TDRP: variants seen among roughly 807,000 people sequenced by gnomAD.
The protein encoded by TDRP is testis development related protein.
A neutral mutation model predicts 10.5 loss-of-function variants in TDRP; 12 were observed. That is an observed-to-expected ratio of 1.15 (90% CI 0.73 to 1.86). TDRP has a LOEUF of 1.86. Ranked by LOEUF, TDRP falls within the 40% of genes most tolerant of loss-of-function variation. TDRP has a pLI of 0.00. For synonymous variants in TDRP, 139 were observed against 95.4 expected (o/e 1.46, Z -2.67); for missense variants, 353 against 229.2 (o/e 1.54, Z -3.49).
chr8:515,755 G>T (rs1308518597), intron 1 of TDRP, among the ~76,000 whole-genome samples: 1 of 152,012 alleles, frequency 6.6e-6, no homozygotes, highest in Non-Finnish European at 1.5e-5. Flanking sequence ...TACTGGAAAG[G>T]AAAATATAAT....
At chr8:519,291 C>T (rs1801835479) in intron 1 of TDRP, among the ~76,000 whole-genome samples, 1 of 152,102 alleles carries the variant, frequency 6.6e-6, no homozygotes, top group South Asian at 2.1e-4. Flanking sequence ...TTCTGTTGAG[C>T]TGTTCCTCCG....
Position 543,238 on chromosome 8 carries a change from G to A in TDRP, c.108+1412C>T, listed in dbSNP as rs564810568. On this transcript the variant is annotated intron_variant, in intron 1 of 2. Transcript: ENST00000324079. ...GAGAGAGGAGAATAGCTTGAGCCCA[G>A]GCAGGTTGAGGCCGTAGTGAGCCGA... is the stretch of plus-strand genomic sequence containing the variant. 9.2e-5 allele frequency among the ~76,000 whole-genome samples: 14 copies of A among 152,256 alleles called. No individual in the cohort carries two copies. In the South Asian group the frequency reaches 2.7e-3, roughly 29 times the overall value.
At chr8:501,391 G>A (rs1362505934) in intron 1 of TDRP, among the ~76,000 whole-genome samples, 5 of 151,800 alleles carry the variant, frequency 3.3e-5, no homozygotes, top group Non-Finnish European at 7.4e-5. Context: ...CTGTTGCCCA[G>A]GCTGGAGTGC....
At chr8:505,077 A>T (rs1801419194) in intron 1 of TDRP, among the ~76,000 whole-genome samples, 2 of 152,226 alleles carry the variant, frequency 1.3e-5, no homozygotes, top group Non-Finnish European at 2.9e-5. Flanking sequence ...CCTTCAGATA[A>T]TTTTGTATGC....
At chr8:535,798 G>A (rs1216077850) in intron 1 of TDRP, among the ~76,000 whole-genome samples, 1 of 139,914 alleles carries the variant, frequency 7.1e-6, no homozygotes, top group African/African-American at 2.9e-5. Flanking sequence ...GCAGGTCTCA[G>A]TGTAGGGGTG....
At chr8:531,559 C>T (rs554828307) in intron 1 of TDRP, among the ~76,000 whole-genome samples, 5 of 152,166 alleles carry the variant, frequency 3.3e-5, no homozygotes, top group South Asian at 2.1e-4. Context: ...AGAAACCACA[C>T]ATACGGACAC....
intron 1 of TDRP, among the ~76,000 whole-genome samples, chr8:539,009 A>G (rs1584885712): frequency 6.6e-6 from 1 of 152,306 alleles, no homozygotes; most frequent in Admixed American, 6.5e-5. Context: ...TGAAATAACT[A>G]TCCTGCAGGC....
rs1443578715 is a variant in TDRP, at chr8:490,720, G to C, written c.*1679C>G. 1 of 152,208 alleles carries C rather than the reference G, an allele frequency of 6.6e-6. No individual in the cohort carries two copies. Among genetic ancestry groups the C allele is most frequent in the Non-Finnish European group, 1.5e-5 (1 of 68,038 alleles). The allele number at this position is 152,208 out of a possible 1,614,324, so 9.4% of individuals were successfully genotyped here. ...AAACTTAGAATTTGTCAACTTAGCTGTTATACTAAAAATTATGAACTTGTC... is the reference window on the plus strand; with the variant it reads ...AAACTTAGAATTTGTCAACTTAGCTCTTATACTAAAAATTATGAACTTGTC... On this transcript the variant is annotated 3_prime_UTR_variant, in exon 3 of 3. Coordinates refer to ENST00000324079, the MANE Select transcript of TDRP (RefSeq NM_001384899.1).
chr8:504,490 G>A (rs936134687), intron 1 of TDRP, among the ~76,000 whole-genome samples: 4 of 152,112 alleles, frequency 2.6e-5, no homozygotes, highest in African/African-American at 4.8e-5. Context: ...AAACGAGAAC[G>A]GAGCCCCCTA....
chr8:522,549 T>C (rs1275230327), intron 1 of TDRP, among the ~76,000 whole-genome samples: 1 of 152,214 alleles, frequency 6.6e-6, no homozygotes, highest in East Asian at 1.9e-4. Context: ...AGAAATAATG[T>C]AATGCATGTC....
At chr8:525,103 G>C (rs1051137297) in intron 1 of TDRP, among the ~76,000 whole-genome samples, 2 of 152,294 alleles carry the variant, frequency 1.3e-5, no homozygotes, top group East Asian at 3.9e-4. Context: ...ATGGAGCTCC[G>C]ATAGGTCTGG....
chr8:543,162 A>C (rs1446456916), intron 1 of TDRP, among the ~76,000 whole-genome samples: 1 of 152,090 alleles, frequency 6.6e-6, no homozygotes, highest in Non-Finnish European at 1.5e-5. Context: ...GTTTTTTAAA[A>C]TTAGCCAGGT....
intron 1 of TDRP, among the ~76,000 whole-genome samples, chr8:538,141 G>A (rs1208024726): frequency 6.6e-6 from 1 of 152,232 alleles, no homozygotes; most frequent in East Asian, 1.9e-4. Flanking sequence ...GCTCCCAACA[G>A]GCAAAGACAG....
intron 1 of TDRP, among the ~76,000 whole-genome samples, chr8:496,808 G>A (rs1441785458): frequency 2.0e-5 from 3 of 152,310 alleles, no homozygotes; most frequent in South Asian, 2.1e-4. Flanking sequence ...GATCATGGGG[G>A]CAGATTTTCC....
intron 1 of TDRP, among the ~76,000 whole-genome samples, chr8:523,954 A>G (rs1252006557): frequency 6.6e-6 from 1 of 152,142 alleles, no homozygotes; most frequent in Non-Finnish European, 1.5e-5. Flanking sequence ...TTAGCGAACA[A>G]AAGTGGTAGC....
At position 503,977 on chromosome 8, in the gene TDRP, T is replaced by C. The variant is rs534652076; in HGVS notation, c.109-9380A>G. Among the ~76,000 whole-genome samples, 55 of 108,394 alleles carry C rather than the reference T, an allele frequency of 5.1e-4. 3 individuals carry two copies. Among genetic ancestry groups the C allele is most frequent in the Admixed American group, 8.4e-4 (8 of 9,544 alleles). 71.1% of individuals were successfully genotyped at this position (108,394 alleles called of 152,430 possible). On this transcript the variant is annotated intron_variant, in intron 1 of 2. Transcript: ENST00000324079. Reference sequence around the variant, plus strand: ...ATGCCCACCTCAGCACAAGTCAACATGGAATCAAGAGCCACACACTGGAAC... The same window carrying C: ...ATGCCCACCTCAGCACAAGTCAACACGGAATCAAGAGCCACACACTGGAAC...
At chr8:495,855 G>A (rs1294003773) in intron 1 of TDRP, among the ~76,000 whole-genome samples, 1 of 152,200 alleles carries the variant, frequency 6.6e-6, no homozygotes, top group Non-Finnish European at 1.5e-5. Context: ...TCAGGAAGGG[G>A]CAAAGGGCAG....
intron 1 of TDRP, among the ~76,000 whole-genome samples, chr8:529,857 C>T (rs1188858960): frequency 6.6e-6 from 1 of 152,076 alleles, no homozygotes; most frequent in Non-Finnish European, 1.5e-5. Flanking sequence ...GGCTTCTTTA[C>T]CCTTTCTTTG....
At position 490,854 on chromosome 8, in the gene TDRP, C is replaced by T. The variant is rs180855493; in HGVS notation, c.*1545G>A. 1.3e-5 allele frequency: 2 copies of T among 151,852 alleles called. No homozygotes were observed. Among genetic ancestry groups the T allele is most frequent in the East Asian group, 3.9e-4 (2 of 5,158 alleles). 9.4% of individuals were successfully genotyped at this position (151,852 alleles called of 1,614,324 possible). A position where few individuals can be genotyped will look rare whatever the true frequency, so the allele number is the denominator to read the frequency against. ...ATTGAAACATGTCCCCCTTTCAAGACTTGATAAGTAAACTTCTTGTTCTAT... is the reference window on the plus strand; with the variant it reads ...ATTGAAACATGTCCCCCTTTCAAGATTTGATAAGTAAACTTCTTGTTCTAT... On this transcript the variant is annotated 3_prime_UTR_variant, in exon 3 of 3. Coordinates refer to ENST00000324079, the MANE Select transcript of TDRP (RefSeq NM_001384899.1).
Sources: allele counts gnomAD v4.1 joint callset (sites outside exome capture counted in the v4.1 genomes callset), GRCh38; gene constraint gnomAD v4.1.1; transcripts MANE v1.5; gene names NCBI Gene and HGNC (gene_info 2026-07-23, HGNC 2026-07-21).